Variants in PCBP3 observed in about 807,000 individuals in gnomAD.
The protein encoded by PCBP3 is poly(rC) binding protein 3.
Under a neutral mutation model 52.7 loss-of-function variants are expected in PCBP3, and 25 were observed. The ratio of observed to expected loss-of-function variants is 0.47; its 90% CI spans 0.35 to 0.66. The LOEUF (loss-of-function observed/expected upper bound fraction) is 0.66. Ranked by LOEUF, PCBP3 falls within the 30% of genes least tolerant of loss-of-function variation. The pLI is 0.01. For synonymous variants in PCBP3, 162 were observed against 183.0 expected (o/e 0.89, Z 0.93); for missense variants, 391 against 490.3 (o/e 0.80, Z 1.91).
At chr21:45,918,196 T>G (rs565720013) in intron 13 of PCBP3, 1 of 167,964 alleles carries the variant, frequency 6.0e-6, no homozygotes, top group East Asian at 1.7e-4. Flanking sequence ...CATAGCGTCC[T>G]TGGCTCCGCC....
intron 11 of PCBP3, chr21:45,911,373 C>T (rs962572565): frequency 2.1e-4 from 42 of 202,620 alleles, no homozygotes; most frequent in Non-Finnish European, 3.2e-4. Context: ...GTGCTCTTTA[C>T]GTTGGAGTCA....
At chr21:45,701,315 T>G (rs890022288) in intron 2 of PCBP3, among the ~76,000 whole-genome samples, 2 of 152,168 alleles carry the variant, frequency 1.3e-5, no homozygotes, top group Non-Finnish European at 2.9e-5. Context: ...TCTCCATGGT[T>G]CTTCACCAAA....
intron 2 of PCBP3, among the ~76,000 whole-genome samples, chr21:45,732,289 A>G (rs2085511341): frequency 6.6e-6 from 1 of 152,076 alleles, no homozygotes; most frequent in African/African-American, 2.4e-5. Flanking sequence ...CCTATTTTAA[A>G]AAATTAATTA....
At chr21:45,808,868 G>C (rs1473884542) in intron 4 of PCBP3, among the ~76,000 whole-genome samples, 3 of 152,172 alleles carry the variant, frequency 2.0e-5, no homozygotes, top group African/African-American at 4.8e-5. Flanking sequence ...CATAAAAAAG[G>C]ATGAGTTCAT....
chr21:45,871,935 C>T (rs1020009500), intron 5 of PCBP3: 1 of 152,190 alleles, frequency 6.6e-6, no homozygotes, highest in Non-Finnish European at 1.5e-5. Flanking sequence ...GAGAACTCTC[C>T]CGGAGCAGAG....
intron 2 of PCBP3, among the ~76,000 whole-genome samples, chr21:45,702,684 A>G (rs2083205638): frequency 6.6e-6 from 1 of 152,214 alleles, no homozygotes; most frequent in African/African-American, 2.4e-5. Flanking sequence ...CCGCTGACTG[A>G]TCAGGGTGAT....
intron 4 of PCBP3, among the ~76,000 whole-genome samples, chr21:45,804,525 T>C (rs2092426525): frequency 6.6e-6 from 1 of 151,826 alleles, no homozygotes; most frequent in African/African-American, 2.4e-5. Context: ...TTGGTGAAAA[T>C]GTGTGCATTT....
intron 4 of PCBP3, among the ~76,000 whole-genome samples, chr21:45,834,535 C>T (rs1005620983): frequency 1.2e-4 from 19 of 152,196 alleles, no homozygotes; most frequent in Non-Finnish European, 8.8e-5. Flanking sequence ...AAGAGGTCCT[C>T]GTGCTGGCCT....
chr21:45,752,042 G>T (rs2087561994), intron 3 of PCBP3, among the ~76,000 whole-genome samples: 1 of 151,752 alleles, frequency 6.6e-6, no homozygotes, highest in African/African-American at 2.4e-5. Context: ...TTTTCCTGTG[G>T]AATATGCTGC....
At position 45,662,283 on chromosome 21, in the gene PCBP3, T is replaced by G. The variant is rs1163213052; in HGVS notation, c.-278-6591T>G. The stretch of plus-strand genomic sequence containing the variant: ...CCAATATACCTAAGTTTTTTTTTTT[T>G]TTTTTTTTTTTTTTTTTTGTAGAGA... On this transcript the variant is annotated intron_variant, in intron 1 of 17. Coordinates refer to ENST00000681687, the MANE Select transcript of PCBP3 (RefSeq NM_001384156.1). Among the ~76,000 whole-genome samples the G allele has an allele frequency of 6.0e-5, 4 of 66,580 alleles. No homozygotes were observed. The Admixed American group carries it at 6.8e-4, about 11-fold the overall frequency. 43.7% of individuals were successfully genotyped at this position (66,580 alleles called of 152,430 possible).
At chr21:45,738,866 TA>T (rs2086109001) in intron 3 of PCBP3, among the ~76,000 whole-genome samples, 2 of 121,002 alleles carry the variant, frequency 1.7e-5, no homozygotes, top group Non-Finnish European at 1.7e-5. Context: ...GTCCTCTGGG[TA>T]GCCCCCCTAT....
intron 4 of PCBP3, among the ~76,000 whole-genome samples, chr21:45,784,743 G>A (rs1033682495): frequency 9.8e-5 from 15 of 152,342 alleles, no homozygotes; most frequent in Middle Eastern, 3.4e-3. Flanking sequence ...GATTGCAGAC[G>A]GAGTCTCCTT....
intron 4 of PCBP3, 148 bp from the exon 5 acceptor site, chr21:45,849,813 C>T (rs1222609684): frequency 9.0e-6 from 4 of 445,516 alleles, no homozygotes; most frequent in Admixed American, 4.0e-5. Context: ...GGCACTCTGT[C>T]TCCACACTCA....
At chr21:45,782,913 G>C (rs1465928227) in intron 4 of PCBP3, among the ~76,000 whole-genome samples, 1 of 152,250 alleles carries the variant, frequency 6.6e-6, no homozygotes, top group African/African-American at 2.4e-5. Flanking sequence ...TGGAACTGCT[G>C]TGTCGCAGGT....
At chr21:45,870,077 C>A (rs866068356) in intron 5 of PCBP3, among the ~76,000 whole-genome samples, 10 of 152,004 alleles carry the variant, frequency 6.6e-5, no homozygotes, top group African/African-American at 2.4e-4. Flanking sequence ...GTAATGTTAT[C>A]GCTTTATCTT....
At chr21:45,888,577 T>C (rs1028555213) in intron 5 of PCBP3, among the ~76,000 whole-genome samples, 4 of 152,222 alleles carry the variant, frequency 2.6e-5, no homozygotes, top group African/African-American at 9.6e-5. Context: ...GGCAGGGCCC[T>C]GCTCCACAGC....
chr21:45,855,173 CTG>C (rs1293684193), intron 5 of PCBP3, among the ~76,000 whole-genome samples: 5 of 152,214 alleles, frequency 3.3e-5, no homozygotes, highest in African/African-American at 1.2e-4. Flanking sequence ...TTCTCTCTCT[CTG>C]CGCTTTCCCA....
At chr21:45,783,534 G>T (rs973070812) in intron 4 of PCBP3, among the ~76,000 whole-genome samples, 1 of 152,222 alleles carries the variant, frequency 6.6e-6, no homozygotes, top group South Asian at 2.1e-4. Context: ...AATGGAGAAG[G>T]GGGGAAGGTC....
At chr21:45,710,349 C>G (rs2083749680) in intron 2 of PCBP3, among the ~76,000 whole-genome samples, 1 of 152,168 alleles carries the variant, frequency 6.6e-6, no homozygotes, top group Non-Finnish European at 1.5e-5. Flanking sequence ...TGTTCCCCTT[C>G]CTGTGTCCAT....
Sources: gnomAD v4.1 joint callset for allele counts (sites outside exome capture counted in the v4.1 genomes callset) on GRCh38, gnomAD v4.1.1 for gene constraint, MANE v1.5 for transcripts, NCBI Gene and HGNC (gene_info 2026-07-23, HGNC 2026-07-21) for gene names.